Variants in CHN2 observed in about 807,000 individuals in gnomAD.
CHN2 encodes chimerin 2, also known as beta-chimaerin.
A neutral mutation model predicts 56.3 loss-of-function variants in CHN2; 35 were observed. The ratio of observed to expected loss-of-function variants is 0.62; its 90% CI spans 0.47 to 0.82. The LOEUF is 0.82. Among genes scored for constraint, CHN2 ranks in the 40% least tolerant of loss-of-function variants. CHN2 has a pLI of 0.00. For synonymous variants in CHN2, 210 were observed against 212.8 expected, an observed-to-expected ratio of 0.99 and a Z score of 0.12; for missense variants, 491 against 580.5, an observed-to-expected ratio of 0.85 and a Z score of 1.58.
At chr7:29,297,579 G>A (rs367652013) in intron 1 of CHN2, among the ~76,000 whole-genome samples, 1 of 152,114 alleles carries the variant, frequency 6.6e-6, no homozygotes, top group African/African-American at 2.4e-5. Context: ...GAAACAAGGT[G>A]GGGGGAGGGT....
At chr7:29,298,731 G>A (rs935768507) in intron 1 of CHN2, among the ~76,000 whole-genome samples, 1 of 152,202 alleles carries the variant, frequency 6.6e-6, no homozygotes, top group African/African-American at 2.4e-5. Flanking sequence ...GCTGGAGATT[G>A]CTGGTTGGTT....
chr7:29,342,760 T>G (rs926558292), intron 1 of CHN2, among the ~76,000 whole-genome samples: 5 of 152,260 alleles, frequency 3.3e-5, no homozygotes, highest in Non-Finnish European at 7.3e-5. Flanking sequence ...AGCAGCACTT[T>G]AGGTCTGATC....
chr7:29,355,770 C>G (rs1388375906), intron 2 of CHN2, among the ~76,000 whole-genome samples: 1 of 108,486 alleles, frequency 9.2e-6, no homozygotes, highest in Non-Finnish European at 1.9e-5. Context: ...ACAGATGGGA[C>G]TATTTTTTTT....
At chr7:29,255,392 G>A (rs560839767) in intron 1 of CHN2, among the ~76,000 whole-genome samples, 3 of 152,286 alleles carry the variant, frequency 2.0e-5, no homozygotes, top group African/African-American at 4.8e-5. Context: ...ATCTTGGGGC[G>A]TGGGAAGGAA....
At chr7:29,458,381 A>G (rs1204299725) in intron 6 of CHN2, among the ~76,000 whole-genome samples, 25 of 27,480 alleles carry the variant, frequency 9.1e-4, no homozygotes, top group Admixed American at 7.2e-3. Flanking sequence ...AGCTGTGCAC[A>G]CACACACACA....
rs77922823 is a variant in CHN2, at chr7:29,244,509, G to T, written c.49+49519G>T. On this transcript the variant is annotated intron_variant, in intron 1 of 12. Transcript: ENST00000222792. ...ACCTCTAGGGGCAGCGCCGACTATC[G>T]GCAGATACTGAAGCTGTGCATTGAG... 1.9e-3 allele frequency among the ~76,000 whole-genome samples: 287 copies of T among 152,282 alleles called. 2 individuals carry two copies. Among genetic ancestry groups the T allele is most frequent in the African/African-American group, 6.6e-3 (276 of 41,562 alleles).
chr7:29,150,900 G>A (rs1584432637), intron 2 of CHN2, among the ~76,000 whole-genome samples: 1 of 152,150 alleles, frequency 6.6e-6, no homozygotes, highest in African/African-American at 2.4e-5. Flanking sequence ...CTTAAGGAAC[G>A]AAGCCAGATG....
chr7:29,505,415 A>G (rs373166022), intron 10 of CHN2, among the ~76,000 whole-genome samples: 1 of 152,298 alleles, frequency 6.6e-6, no homozygotes, highest in Admixed American at 6.5e-5. Flanking sequence ...GATAGAGCCT[A>G]CTGGATAGAG....
chr7:29,176,617 G>A (rs1053831689), intron 2 of CHN2, among the ~76,000 whole-genome samples: 2 of 152,106 alleles, frequency 1.3e-5, no homozygotes, highest in Non-Finnish European at 1.5e-5. Flanking sequence ...AGCTTTAAAA[G>A]GGTATTTTTT....
At position 29,435,577 on chromosome 7, in the gene CHN2, A is replaced by G. The variant is rs373125992; in HGVS notation, c.576+34749A>G. On this transcript the variant is annotated intron_variant, in intron 6 of 12. Coordinates refer to ENST00000222792, the MANE Select transcript of CHN2 (RefSeq NM_004067.4). The stretch of plus-strand genomic sequence containing the variant: ...GAATTCTGGGGGCAACTATAACACA[A>G]TGGTGAGTATTGTGTATCTAAATAT... Among the ~76,000 whole-genome samples the G allele has an allele frequency of 9.2e-5, 14 of 152,344 alleles. 1 individual carries two copies. The highest frequency in any genetic ancestry group is 2.9e-4 in the African/African-American group (12 of 41,586).
intron 1 of CHN2, among the ~76,000 whole-genome samples, chr7:29,319,043 C>A (rs62442890): frequency 2.0e-3 from 304 of 152,290 alleles, no homozygotes; most frequent in Middle Eastern, 0.01. Context: ...AGCCCCTCCC[C>A]TCAGACACAG....
chr7:29,157,467 G>T (rs1398541915), intron 2 of CHN2, among the ~76,000 whole-genome samples: 1 of 152,066 alleles, frequency 6.6e-6, no homozygotes, highest in Non-Finnish European at 1.5e-5. Flanking sequence ...TTTAAAGTTA[G>T]CTTCGCACAG....
At chr7:29,218,062 A>G (rs1785471706) in intron 1 of CHN2, among the ~76,000 whole-genome samples, 1 of 152,104 alleles carries the variant, frequency 6.6e-6, no homozygotes, top group Non-Finnish European at 1.5e-5. Flanking sequence ...AACCCTTTTC[A>G]TCTTACATTT....
intron 6 of CHN2, among the ~76,000 whole-genome samples, chr7:29,423,701 G>A (rs1250799009): frequency 6.6e-6 from 1 of 152,170 alleles, no homozygotes; most frequent in Non-Finnish European, 1.5e-5. Flanking sequence ...CAATATCATA[G>A]TCTTTGTCAA....
chr7:29,494,063 C>T (rs535775582), intron 7 of CHN2, among the ~76,000 whole-genome samples: 1 of 152,292 alleles, frequency 6.6e-6, no homozygotes, highest in South Asian at 2.1e-4. Context: ...TTCACCACAC[C>T]AAGTTCTTTT....
intron 1 of CHN2, among the ~76,000 whole-genome samples, chr7:29,238,288 G>T (rs1787362701): frequency 6.6e-6 from 1 of 152,056 alleles, no homozygotes; most frequent in South Asian, 2.1e-4. Context: ...AAAGTGCTGG[G>T]ATTACAGGCG....
At chr7:29,155,088 C>T (rs1794163387) in intron 2 of CHN2, among the ~76,000 whole-genome samples, 1 of 152,056 alleles carries the variant, frequency 6.6e-6, no homozygotes, top group African/African-American at 2.4e-5. Context: ...CAGCACAGGA[C>T]CTGCCCCCAT....
intron 6 of CHN2, among the ~76,000 whole-genome samples, chr7:29,470,234 G>A (rs1785909567): frequency 1.3e-5 from 2 of 152,144 alleles, no homozygotes; most frequent in South Asian, 4.1e-4. Flanking sequence ...ACAAATACAA[G>A]GACCAATTGT....
chr7:29,337,732 C>T (rs192595722), intron 1 of CHN2, among the ~76,000 whole-genome samples: 129 of 152,284 alleles, frequency 8.5e-4, no homozygotes, highest in African/African-American at 2.7e-3. Flanking sequence ...TAGCATCTTG[C>T]AGGTTGTGAG....
Sources: gnomAD v4.1 joint callset for allele counts (sites outside exome capture counted in the v4.1 genomes callset) on GRCh38, gnomAD v4.1.1 for gene constraint, MANE v1.5 for transcripts, NCBI Gene and HGNC (gene_info 2026-07-23, HGNC 2026-07-21) for gene names.